COQ5: variants seen among roughly 807,000 people sequenced by gnomAD.
The protein encoded by COQ5 is coenzyme Q5, methyltransferase.
A neutral mutation model predicts 40.5 loss-of-function variants in COQ5; 27 were observed. The ratio of observed to expected loss-of-function variants is 0.67; its 90% confidence interval spans 0.49 to 0.92. COQ5 has a LOEUF of 0.92. Among genes scored for constraint, COQ5 ranks in the 40% least tolerant of loss-of-function variants. The pLI is 0.00. For missense variants in COQ5, 409 were observed against 406.4 expected (o/e 1.01, Z -0.06); for synonymous variants, 141 against 150.0 (o/e 0.94, Z 0.44).
At chr12:120,519,911 T>C (rs1324162510) in intron 2 of COQ5, among the ~76,000 whole-genome samples, 1 of 150,044 alleles carries the variant, frequency 6.7e-6, no homozygotes, top group Non-Finnish European at 1.5e-5. Context: ...TAGGCTTATA[T>C]GCATTTTAGA....
At chr12:120,520,003 C>T (rs746854653) in intron 2 of COQ5, among the ~76,000 whole-genome samples, 2 of 151,948 alleles carry the variant, frequency 1.3e-5, no homozygotes, top group Non-Finnish European at 1.5e-5. Context: ...GAGAGGATCA[C>T]ACCAACATAG....
At chr12:120,517,965 AC>A (rs1483019627) in intron 2 of COQ5, among the ~76,000 whole-genome samples, 1 of 151,584 alleles carries the variant, frequency 6.6e-6, no homozygotes, top group Non-Finnish European at 1.5e-5. Context: ...GTGCCACCAA[AC>A]CTGGCTAATT....
At position 120,518,274 on chromosome 12, in the gene COQ5, C is replaced by G. The variant is rs186044047; in HGVS notation, c.353-1486G>C. Among the ~76,000 whole-genome samples the G allele has an allele frequency of 6.1e-4, 93 of 151,968 alleles. 1 individual carries two copies. Among genetic ancestry groups the G allele is most frequent in the Admixed American group, 1.9e-3 (29 of 15,238 alleles). On this transcript the variant is annotated intron_variant, in intron 2 of 6. Coordinates refer to ENST00000288532, the MANE Select transcript of COQ5 (RefSeq NM_032314.4). ...AACTCAGTCTCTACGAAAAAAATTA[C>G]AAAAATTAGCCAGGTGTGGGGCACA...
At chr12:120,515,056 G>C (rs1313330320) in intron 3 of COQ5, among the ~76,000 whole-genome samples, 1 of 151,964 alleles carries the variant, frequency 6.6e-6, no homozygotes, top group African/African-American at 2.4e-5. Context: ...GCCTCCCAAA[G>C]TGCTGAGATT....
At position 120,510,100 on chromosome 12, in the gene COQ5, C is replaced by A; in HGVS notation, c.598G>T (p.Ala200Ser). 1.2e-6 allele frequency: 2 copies of A among 1,613,874 alleles called. No homozygotes were observed. The highest frequency in any genetic ancestry group is 2.2e-5 in the South Asian group (2 of 91,080). ...RAGLAWVLGD[A>S]EELPFDDDKF... ...TCATCATCAAAGGGCAGTTCTTCAG[C>A]ATCTCCTAATACCCATGCAAGTCCT... Residue 200 changes from alanine (A) to serine (S), a missense_variant, in exon 4 of 7, where the codon GCT (alanine) becomes TCT (serine). Transcript: ENST00000288532.
intron 3 of COQ5, among the ~76,000 whole-genome samples, chr12:120,511,256 C>CAAAA (rs33968461): frequency 1.2e-4 from 11 of 93,088 alleles, no homozygotes; most frequent in Non-Finnish European, 1.9e-4. Context: ...GACTCTGTCT[C>CAAAA]AAAAAAAAAA....
At chr12:120,516,849 A>T in intron 2 of COQ5, 61 bp from the exon 3 acceptor site, 1 of 1,464,360 alleles carries the variant, frequency 6.8e-7, no homozygotes, top group South Asian at 1.1e-5. Flanking sequence ...AGGAAGAAAC[A>T]GCATTTCCTA....
At chr12:120,505,776 G>A (rs1442542449) in intron 4 of COQ5, among the ~76,000 whole-genome samples, 3 of 151,856 alleles carry the variant, frequency 2.0e-5, no homozygotes, top group Non-Finnish European at 4.4e-5. Flanking sequence ...GGCTTGTCTC[G>A]AACTCCCAAT....
At chr12:120,525,797 C>T (rs146806270) in intron 1 of COQ5, among the ~76,000 whole-genome samples, 6,890 of 151,862 alleles carry the variant, frequency 0.045, 261 homozygotes, top group South Asian at 0.099. Flanking sequence ...TGGTGGTGGG[C>T]GCCTGTAGTC....
At position 120,516,753 on chromosome 12, in the gene COQ5, A is replaced by G; in HGVS notation, c.388T>C (p.Ser130Pro). The G allele has an allele frequency of 6.2e-7, 1 of 1,614,176 alleles. No homozygotes were observed. The highest frequency in any genetic ancestry group is 8.5e-7 in the Non-Finnish European group (1 of 1,180,030). The part of the protein sequence containing the change: ...IAFRFLNYVQ[S>P]QHQRKQKRQL... ...CTCTTCTGTTTTCTCTGATGCTGGG[A>G]CTGAACATAATTAAGGAACCGGAAT... Residue 130 changes from serine (S) to proline (P), a missense_variant, in exon 3 of 7, where the codon TCC becomes CCC. Coordinates refer to ENST00000288532, the MANE Select transcript of COQ5 (RefSeq NM_032314.4).
chr12:120,523,800 A>G, intron 1 of COQ5: 2 of 259,468 alleles, frequency 7.7e-6, no homozygotes, highest in South Asian at 6.3e-5. Flanking sequence ...ACTCGAGGCC[A>G]GGAGTTCAAG....
At chr12:120,522,434 G>A in intron 1 of COQ5, 71 bp from the exon 2 acceptor site, 1 of 1,502,884 alleles carries the variant, frequency 6.7e-7, no homozygotes, top group Non-Finnish European at 9.3e-7. Context: ...AACAAAAAAG[G>A]AGGAAGCTTT....
chr12:120,523,229 C>T (rs543100665), intron 1 of COQ5: 127 of 194,070 alleles, frequency 6.5e-4, no homozygotes, highest in African/African-American at 2.9e-3. Flanking sequence ...CCCAGCTACT[C>T]GGGAGGCTGA....
At chr12:120,528,446 G>A (rs1870067975) in intron 1 of COQ5, among the ~76,000 whole-genome samples, 1 of 152,130 alleles carries the variant, frequency 6.6e-6, no homozygotes, top group African/African-American at 2.4e-5. Flanking sequence ...TGAAAATAAT[G>A]TCTGTACGTT....
chr12:120,508,069 C>T (rs1868958473), intron 4 of COQ5, among the ~76,000 whole-genome samples: 1 of 149,980 alleles, frequency 6.7e-6, no homozygotes, highest in Non-Finnish European at 1.5e-5. Flanking sequence ...GATCTCGGCT[C>T]ACTGCAGCCT....
At chr12:120,506,483 C>T (rs1354908271) in intron 4 of COQ5, among the ~76,000 whole-genome samples, 1 of 152,026 alleles carries the variant, frequency 6.6e-6, no homozygotes, top group Non-Finnish European at 1.5e-5. Flanking sequence ...TCTCCTGCCT[C>T]AGCCTCCCAT....
chr12:120,529,118 A>G lies in COQ5; in HGVS notation c.24T>C (p.Ala8=), dbSNP rs3742052. 0.31 allele frequency: 507,610 copies of G among 1,613,296 alleles called. 83,158 individuals are homozygous for G. Among genetic ancestry groups the G allele is most frequent in the East Asian group, 0.51 (22,716 of 44,834 alleles). The change falls in exon 1 of 7, where the codon GCT becomes GCC. Residue 8 remains alanine, a synonymous_variant. Coordinates refer to ENST00000288532, the MANE Select transcript of COQ5 (RefSeq NM_032314.4). The part of the protein sequence containing the change: MAAPGSC[A]LWSYCGRGWS... Reference sequence around the variant, plus strand: ...ACCCACGGCCGCAATAGCTCCATAGAGCACAGCTCCCGGGGGCCGCCATCT... The same window carrying G: ...ACCCACGGCCGCAATAGCTCCATAGGGCACAGCTCCCGGGGGCCGCCATCT...
intron 2 of COQ5, among the ~76,000 whole-genome samples, chr12:120,517,718 G>C (rs1160375297): frequency 6.6e-6 from 1 of 151,750 alleles, no homozygotes; most frequent in Non-Finnish European, 1.5e-5. Context: ...ATAATACTGT[G>C]ACCTGGTAAA....
chr12:120,505,471 G>A (rs879430829), intron 4 of COQ5, among the ~76,000 whole-genome samples: 2 of 150,616 alleles, frequency 1.3e-5, no homozygotes, highest in African/African-American at 4.9e-5. Flanking sequence ...CACTGCAACC[G>A]CTGCCTCCCA....
Sources: gnomAD v4.1 joint callset for allele counts (sites outside exome capture counted in the v4.1 genomes callset) on GRCh38, gnomAD v4.1.1 for gene constraint, MANE v1.5 for transcripts, NCBI Gene and HGNC (gene_info 2026-07-23, HGNC 2026-07-21) for gene names.